MYO16: variants seen among roughly 807,000 people sequenced by gnomAD.
MYO16 encodes unconventional myosin-XVI.
In MYO16, 94 loss-of-function variants were observed where a neutral mutation model predicts 205.3. That is an observed-to-expected ratio of 0.46 (90% confidence interval 0.39 to 0.54). MYO16 has a LOEUF of 0.54. Ranked by LOEUF, MYO16 falls within the 20% of genes least tolerant of loss-of-function variation. The pLI, the probability that MYO16 is intolerant of heterozygous loss-of-function variation, is 0.00. For missense variants in MYO16, 2,315 were observed against 2,387.5 expected (o/e 0.97, Z 0.63); for synonymous variants, 988 against 954.0 (o/e 1.04, Z -0.66).
At chr13:108,518,413 G>A in the MYO16 span, among the ~76,000 whole-genome samples, 1 of 152,172 alleles carries the variant, frequency 6.6e-6, no homozygotes, top group Admixed American at 6.5e-5. Flanking sequence ...GCATCTGCCT[G>A]AGATGTCTAA....
Position 108,659,433 on chromosome 13 carries a change from G to T in MYO16, c.29-6453G>T, listed in dbSNP as rs1006240062. Reference sequence around the variant, plus strand: ...TTTAGTCCTACAGAGGTACGCACTCGCTGAGCAGGGGCTTCTGGCCATAAA... The same window carrying T: ...TTTAGTCCTACAGAGGTACGCACTCTCTGAGCAGGGGCTTCTGGCCATAAA... On this transcript the variant is annotated intron_variant, in intron 1 of 34. Transcript: ENST00000457511. 6 of 382,052 alleles carry T rather than the reference G, an allele frequency of 1.6e-5. 1 individual carries two copies. Among genetic ancestry groups the T allele is most frequent in the South Asian group, 9.8e-5 (5 of 50,892 alleles). 23.7% of individuals were successfully genotyped at this position (382,052 alleles called of 1,614,324 possible).
intron 16 of MYO16, among the ~76,000 whole-genome samples, chr13:108,915,175 A>G (rs1261973766): frequency 1.3e-5 from 2 of 152,220 alleles, no homozygotes; most frequent in East Asian, 1.9e-4. Context: ...ATCACCTCCT[A>G]AGGCTTAGCT....
At chr13:108,963,729 C>G (rs1314908386) in intron 19 of MYO16, among the ~76,000 whole-genome samples, 1 of 150,410 alleles carries the variant, frequency 6.6e-6, no homozygotes, top group Non-Finnish European at 1.5e-5. Flanking sequence ...AGACATTGTT[C>G]TTCTTCGCAC....
In MYO16 at chr13:108,735,605, G is replaced by A. The variant is rs867964373; in HGVS notation, c.507+8022G>A. Among the ~76,000 whole-genome samples, 39 of 151,466 alleles carry A rather than the reference G, an allele frequency of 2.6e-4. No homozygotes were observed. In the South Asian group the frequency reaches 3.0e-3, roughly 11 times the overall value. ...GTGAATAGTGCTGCAATAAACATAC[G>A]TGTGCATGTGTCTTTATAGCAGCAT... On this transcript the variant is annotated intron_variant, in intron 4 of 34. Coordinates refer to ENST00000457511, the MANE Select transcript of MYO16 (RefSeq NM_001198950.3).
rs1880623824 is a variant in MYO16, at chr13:109,206,943, A to T, written c.*107A>T. ...CGCTGGGGCTTCTCTCCACGCATTTAGACAAAAAAAGCACAGGACACAGAC... is the reference window on the plus strand; with the variant it reads ...CGCTGGGGCTTCTCTCCACGCATTTTGACAAAAAAAGCACAGGACACAGAC... On this transcript the variant is annotated 3_prime_UTR_variant, in exon 35 of 35. Coordinates refer to ENST00000457511, the MANE Select transcript of MYO16 (RefSeq NM_001198950.3). 6 of 902,642 alleles carry T rather than the reference A, an allele frequency of 6.6e-6. No homozygotes were observed. The highest frequency in any genetic ancestry group is 1.0e-5 in the Non-Finnish European group (6 of 590,650). The allele number at this position is 902,642 out of a possible 1,614,324, so 55.9% of individuals were successfully genotyped here.
chr13:108,937,028 TAA>T (rs964181176), intron 16 of MYO16, among the ~76,000 whole-genome samples: 1 of 152,236 alleles, frequency 6.6e-6, no homozygotes, highest in African/African-American at 2.4e-5. Context: ...GGGTCTCTTA[TAA>T]GGCTGGCCTA....
At position 108,986,011 on chromosome 13, in the gene MYO16, A is replaced by G. The variant is rs181805672; in HGVS notation, c.2370-6365A>G. ...GCTAGGGAGGCCTCACAATCATGGC[A>G]GAAGGCGAAGGAGGAGCAGAGGCAC... On this transcript the variant is annotated intron_variant, in intron 20 of 34. Transcript: ENST00000457511. Among the ~76,000 whole-genome samples, 420 of 152,296 alleles carry G rather than the reference A, an allele frequency of 2.8e-3. 15 individuals carry two copies. The South Asian group carries it at 0.059, about 21-fold the overall frequency.
At chr13:108,824,586 G>A (rs553901658) in intron 9 of MYO16, among the ~76,000 whole-genome samples, 2 of 151,886 alleles carry the variant, frequency 1.3e-5, no homozygotes, top group South Asian at 4.2e-4. Flanking sequence ...TATCAACAAG[G>A]GAATAGAAGA....
intron 32 of MYO16, among the ~76,000 whole-genome samples, chr13:109,157,392 C>T (rs1878120356): frequency 6.6e-6 from 1 of 152,168 alleles, no homozygotes; most frequent in African/African-American, 2.4e-5. Flanking sequence ...GAGCCAGCCT[C>T]CCCTCCCTCA....
chr13:108,950,821 G>GAC (rs1413808797), intron 16 of MYO16, among the ~76,000 whole-genome samples: 1 of 152,180 alleles, frequency 6.6e-6, no homozygotes, highest in Non-Finnish European at 1.5e-5. Context: ...TAAGTGGCTA[G>GAC]ACACACTGCT....
At position 109,179,598 on chromosome 13, in the gene MYO16, A is replaced by C; in HGVS notation, c.5380A>C (p.Thr1794Pro). ...RLSISGTGTSTFQRHRDSHTT... is the reference protein window; with the variant it reads ...RLSISGTGTSPFQRHRDSHTT... Reference sequence around the variant, plus strand: ...GTCTATAAGTGGCACAGGGACTTCGACATTTCAAAGACACAGGGACAGTCA... The same window carrying C: ...GTCTATAAGTGGCACAGGGACTTCGCCATTTCAAAGACACAGGGACAGTCA... The change falls in exon 34 of 35, where the codon ACA becomes CCA. Residue 1794 changes from threonine (T) to proline (P), a missense_variant. Physicochemically the swap from Thr to Pro is conservative, Grantham distance 38. Transcript: ENST00000457511. The C allele has an allele frequency of 1.2e-6, 2 of 1,614,038 alleles. No homozygotes were observed. Among genetic ancestry groups the C allele is most frequent in the Non-Finnish European group, 1.7e-6 (2 of 1,179,868 alleles).
intron 15 of MYO16, among the ~76,000 whole-genome samples, chr13:108,898,343 GGT>G (rs1303223685): frequency 1.5e-5 from 1 of 67,394 alleles, no homozygotes; most frequent in African/African-American, 5.4e-5. Flanking sequence ...CTCAGTTGAG[GGT>G]GTGTGAGTGT....
chr13:108,746,123 G>T (rs1885055037), intron 4 of MYO16, among the ~76,000 whole-genome samples: 1 of 152,182 alleles, frequency 6.6e-6, no homozygotes, highest in South Asian at 2.1e-4. Context: ...AACCCGGGAG[G>T]TGGGGCTTGC....
intron 16 of MYO16, among the ~76,000 whole-genome samples, chr13:108,944,095 AT>A (rs1335254948): frequency 6.6e-6 from 1 of 152,172 alleles, no homozygotes; most frequent in African/African-American, 2.4e-5. Flanking sequence ...ACTACAGGGT[AT>A]TGTACTTCTG....
intron 4 of MYO16, among the ~76,000 whole-genome samples, chr13:108,775,047 ATCT>A (rs1427133715): frequency 1.3e-5 from 2 of 152,146 alleles, no homozygotes; most frequent in African/African-American, 4.8e-5. Flanking sequence ...TATATTGAAA[ATCT>A]TCTCTGAAAC....
At chr13:108,801,423 CATT>C (rs1236439837) in intron 6 of MYO16, among the ~76,000 whole-genome samples, 6 of 152,158 alleles carry the variant, frequency 3.9e-5, no homozygotes, top group African/African-American at 1.4e-4. Context: ...AAAAAATGCT[CATT>C]ATTTTAGAAT....
At chr13:109,021,171 C>T (rs1477111564) in intron 23 of MYO16, among the ~76,000 whole-genome samples, 1 of 151,980 alleles carries the variant, frequency 6.6e-6, no homozygotes, top group Non-Finnish European at 1.5e-5. Flanking sequence ...TCCATTCTAC[C>T]TATTTAAGTA....
chr13:108,633,680 G>A (rs7140064), intron 1 of MYO16, among the ~76,000 whole-genome samples: 1 of 151,996 alleles, frequency 6.6e-6, no homozygotes, highest in South Asian at 2.1e-4. Context: ...AGTTGACACT[G>A]AGTATTAATG....
chr13:109,046,331 CA>C (rs142237406), intron 23 of MYO16, among the ~76,000 whole-genome samples: 5,282 of 152,242 alleles, frequency 0.035, 134 homozygotes, highest in South Asian at 0.057. Flanking sequence ...TTTCAGTCTT[CA>C]AAGATCAAGT....
Sources: gnomAD v4.1 joint callset for allele counts (sites outside exome capture counted in the v4.1 genomes callset) on GRCh38, gnomAD v4.1.1 for gene constraint, MANE v1.5 for transcripts, NCBI Gene and HGNC (gene_info 2026-07-23, HGNC 2026-07-21) for gene names.